The following ATG16L1 variants were observed in gnomAD, a reference collection of about 807,000 sequenced individuals.
ATG16L1 encodes autophagy related 16 like 1, also known as autophagy-related protein 16-1.
In ATG16L1, 37 loss-of-function variants were observed where a neutral mutation model predicts 88.5. That is an observed-to-expected ratio of 0.42 (90% CI 0.32 to 0.55). The LOEUF (loss-of-function observed/expected upper bound fraction) is 0.55, where lower values mean the gene tolerates loss of function less well. ATG16L1 is among the 20% of genes least tolerant of loss of function. The pLI is 0.13. For synonymous variants in ATG16L1, 301 were observed against 281.0 expected, an observed-to-expected ratio of 1.07 and a Z score of -0.71; for missense variants, 554 against 752.8, an observed-to-expected ratio of 0.74 and a Z score of 3.09.
At chr2:233,268,257 A>G (rs1212348703) in intron 5 of ATG16L1, among the ~76,000 whole-genome samples, 1 of 152,188 alleles carries the variant, frequency 6.6e-6, no homozygotes, top group African/African-American at 2.4e-5. Flanking sequence ...GGAGTTCAAG[A>G]TCAGCCTGGC....
chr2:233,260,554 C>T (rs1003686538), intron 2 of ATG16L1, among the ~76,000 whole-genome samples: 1 of 152,208 alleles, frequency 6.6e-6, no homozygotes, highest in Non-Finnish European at 1.5e-5. Flanking sequence ...TGTTAGTGGG[C>T]TCCAGGAATC....
intron 5 of ATG16L1, among the ~76,000 whole-genome samples, chr2:233,268,638 C>A (rs983393641): frequency 1.3e-5 from 2 of 152,172 alleles, no homozygotes; most frequent in Non-Finnish European, 2.9e-5. Context: ...TAGTGGTACT[C>A]ACACACCTTA....
intron 14 of ATG16L1, among the ~76,000 whole-genome samples, chr2:233,291,278 A>G (rs373448284): frequency 4.6e-5 from 7 of 152,194 alleles, no homozygotes; most frequent in Non-Finnish European, 8.8e-5. Context: ...CATTTTATTC[A>G]TAATCTTTAG....
At chr2:233,289,441 A>C (rs1401495760) in intron 12 of ATG16L1, among the ~76,000 whole-genome samples, 1 of 138,656 alleles carries the variant, frequency 7.2e-6, no homozygotes. Flanking sequence ...GGTGGAGTAC[A>C]ATGGCACTAT....
chr2:233,289,902 C>G lies in ATG16L1; in HGVS notation c.1252C>G (p.Leu418Val), dbSNP rs769320310. 1.2e-6 allele frequency: 2 copies of G among 1,614,208 alleles called. No individual in the cohort carries two copies. The highest frequency in any genetic ancestry group is 4.5e-5 in the East Asian group (2 of 44,876). Reference sequence around the variant, plus strand: ...GAAAGTGCTGTCTGCTAAGTTCCTGCTGGACAATGCGCGGATTGTCTCAGG... The same window carrying G: ...GAAAGTGCTGTCTGCTAAGTTCCTGGTGGACAATGCGCGGATTGTCTCAGG... ...SGKVLSAKFL[L>V]DNARIVSGSH... The change falls in exon 13 of 18, where the codon CTG becomes GTG. Residue 418 changes from leucine to valine, a missense_variant. Leu to Val is a conservative substitution (Grantham distance 32). Around this residue, in one of 5 missense-constraint regions of ATG16L1, gnomAD observed 370 missense variants for 509.7 expected, o/e 0.73. Transcript: ENST00000392017.
chr2:233,253,654 A>C (rs1696570628), intron 1 of ATG16L1, among the ~76,000 whole-genome samples: 1 of 152,048 alleles, frequency 6.6e-6, no homozygotes, highest in African/African-American at 2.4e-5. Flanking sequence ...CCGGGACTGG[A>C]ATTTGAACTT....
intron 12 of ATG16L1, among the ~76,000 whole-genome samples, chr2:233,289,450 A>G (rs547648171): frequency 1.4e-5 from 2 of 145,970 alleles, no homozygotes; most frequent in African/African-American, 2.5e-5. Context: ...CAATGGCACT[A>G]TCATAGTTCA....
intron 6 of ATG16L1, among the ~76,000 whole-genome samples, chr2:233,271,109 C>T (rs1447489731): frequency 6.6e-6 from 1 of 152,094 alleles, no homozygotes; most frequent in African/African-American, 2.4e-5. Flanking sequence ...AAATAGTTGA[C>T]CTGGAAATGA....
At chr2:233,252,004 G>C in intron 1 of ATG16L1, 62 bp downstream of exon 1, 1 of 1,388,084 alleles carries the variant, frequency 7.2e-7, no homozygotes, top group Non-Finnish European at 9.5e-7. Flanking sequence ...CATGCGGGGC[G>C]TCAGCGGGAA....
chr2:233,287,023 C>T (rs1271580868), intron 12 of ATG16L1, among the ~76,000 whole-genome samples: 1 of 152,086 alleles, frequency 6.6e-6, no homozygotes, highest in Non-Finnish European at 1.5e-5. Flanking sequence ...AGTTTCATTC[C>T]TGGAAATAAG....
At chr2:233,260,816 A>C (rs762990948) in intron 2 of ATG16L1, among the ~76,000 whole-genome samples, 6 of 152,070 alleles carry the variant, frequency 3.9e-5, no homozygotes, top group Non-Finnish European at 8.8e-5. Flanking sequence ...CCTTCCTAGG[A>C]GATTCCTACT....
chr2:233,267,809 A>G (rs996217785), intron 5 of ATG16L1, among the ~76,000 whole-genome samples: 7 of 151,770 alleles, frequency 4.6e-5, no homozygotes, highest in Non-Finnish European at 5.9e-5. Context: ...TGAGCAGTGC[A>G]GTGGACGGGG....
intron 2 of ATG16L1, among the ~76,000 whole-genome samples, chr2:233,259,577 A>G (rs988165218): frequency 4.6e-5 from 7 of 152,206 alleles, no homozygotes; most frequent in African/African-American, 1.7e-4. Context: ...ACTAGAAAAA[A>G]GTGATGAAAA....
intron 11 of ATG16L1, among the ~76,000 whole-genome samples, chr2:233,282,266 G>A (rs1698767550): frequency 6.6e-6 from 1 of 152,176 alleles, no homozygotes. Flanking sequence ...GAGGAAATAG[G>A]GGAGAAAGGA....
Position 233,294,298 on chromosome 2 carries a change from A to G in ATG16L1, c.1772A>G (p.His591Arg). The G allele has an allele frequency of 6.2e-7, 1 of 1,613,014 alleles. No individual in the cohort carries two copies. Among genetic ancestry groups the G allele is most frequent in the Non-Finnish European group, 8.5e-7 (1 of 1,179,588 alleles). Residue 591 changes from histidine to arginine, a missense_variant, in exon 18 of 18, where the codon CAC becomes CGC. Around this residue, in one of 5 missense-constraint regions of ATG16L1, gnomAD observed 370 missense variants for 509.7 expected, o/e 0.73. Coordinates refer to ENST00000392017, the MANE Select transcript of ATG16L1 (RefSeq NM_030803.7). ...GTGGCGTGGTCGCCCTCTGGCTCGC[A>G]CGTTGTCAGTGTGGACAAAGGATGC... ...NAVAWSPSGS[H>R]VVSVDKGCKA...
At chr2:233,287,845 T>TC (rs1699186234) in intron 12 of ATG16L1, among the ~76,000 whole-genome samples, 2 of 152,306 alleles carry the variant, frequency 1.3e-5, no homozygotes, top group East Asian at 3.9e-4. Flanking sequence ...GCCACTGCAC[T>TC]CCAGCTTGGG....
At chr2:233,293,190 G>C in intron 16 of ATG16L1, 66 bp from the exon 17 acceptor site, 1 of 1,376,440 alleles carries the variant, frequency 7.3e-7, no homozygotes, top group Non-Finnish European at 1.0e-6. Flanking sequence ...TTGGGAAAAA[G>C]GCCACAGAGA....
chr2:233,283,990 G>T (rs373178896), intron 12 of ATG16L1, among the ~76,000 whole-genome samples: 1 of 145,382 alleles, frequency 6.9e-6, no homozygotes, highest in Admixed American at 6.9e-5. Flanking sequence ...GATTACAGGC[G>T]CCCGCCACCA....
Position 233,264,188 on chromosome 2 carries a change from T to A in ATG16L1, c.389+123T>A, listed in dbSNP as rs138345819. 5.4e-6 allele frequency: 5 copies of A among 926,602 alleles called. No homozygotes were observed. In the African/African-American group the frequency reaches 8.3e-5, roughly 15 times the overall value. The allele number at this position is 926,602 out of a possible 1,614,324, so 57.4% of individuals were successfully genotyped here. Reference sequence around the variant, plus strand: ...CACAGTGCACTTAGCGAGAGTTTGATTTTCAGTGCATACACACTCTGGGAT... The same window carrying A: ...CACAGTGCACTTAGCGAGAGTTTGAATTTCAGTGCATACACACTCTGGGAT... On this transcript the variant is annotated intron_variant, in intron 4 of 17. Coordinates refer to ENST00000392017, the MANE Select transcript of ATG16L1 (RefSeq NM_030803.7).
Sources: allele counts gnomAD v4.1 joint callset (sites outside exome capture counted in the v4.1 genomes callset), GRCh38; gene constraint gnomAD v4.1.1; regional missense constraint gnomAD v4.1.1; transcripts MANE v1.5; gene names NCBI Gene and HGNC (gene_info 2026-07-23, HGNC 2026-07-21).